The following FGF13 variants were observed in gnomAD, a reference collection of about 807,000 sequenced individuals.
The protein encoded by FGF13 is fibroblast growth factor homologous factor 2.
In FGF13, 2 loss-of-function variants were observed where a neutral mutation model predicts 19.5. The observed-to-expected ratio is 0.10, with a 90% CI of 0.04 to 0.32. The LOEUF is 0.32. Ranked by LOEUF, FGF13 falls within the 10% of genes least tolerant of loss-of-function variation. The pLI is 1.00. For missense variants in FGF13, 113 were observed against 192.7 expected (o/e 0.59, Z 2.45); for synonymous variants, 72 against 76.9 (o/e 0.94, Z 0.33).
At chrX:138,735,095 GA>G (rs993888560) in intron 1 of FGF13, among the ~76,000 whole-genome samples, 1 of 112,210 alleles carries the variant, frequency 8.9e-6, no homozygotes, top group African/African-American at 3.2e-5. Flanking sequence ...GGGACATAAT[GA>G]ATGTGGTATT....
chrX:138,963,109 C>T (rs1358830707), intron 1 of FGF13, among the ~76,000 whole-genome samples: 1 of 112,619 alleles, frequency 8.9e-6, no homozygotes, highest in Non-Finnish European at 1.9e-5. Flanking sequence ...AGGAGACTGT[C>T]CCAAATCACC....
intron 1 of FGF13, among the ~76,000 whole-genome samples, chrX:139,153,177 C>G (rs1403677557): frequency 1.8e-5 from 2 of 110,777 alleles, no homozygotes; most frequent in Non-Finnish European, 3.8e-5. Flanking sequence ...CTTGGTAGGG[C>G]TTTTGGCTGT....
At chrX:139,030,681 C>T (rs1256548742) in intron 1 of FGF13, among the ~76,000 whole-genome samples, 1 of 111,643 alleles carries the variant, frequency 9.0e-6, no homozygotes, top group African/African-American at 3.3e-5. Context: ...AGACATCTCT[C>T]TCCCTCCATG....
At chrX:139,017,262 A>G (rs1420459603) in intron 1 of FGF13, among the ~76,000 whole-genome samples, 1 of 107,954 alleles carries the variant, frequency 9.3e-6, no homozygotes, top group African/African-American at 3.4e-5. Flanking sequence ...GAATAAATCT[A>G]TGTTGTTGGG....
intron 1 of FGF13, among the ~76,000 whole-genome samples, chrX:139,171,507 C>T (rs1270506701): frequency 8.9e-6 from 1 of 111,761 alleles, no homozygotes; most frequent in Non-Finnish European, 1.9e-5. Context: ...CTATAATCTT[C>T]CTTCAACAGA....
At chrX:139,087,586 T>C (rs1044577160) in intron 1 of FGF13, among the ~76,000 whole-genome samples, 11 of 112,191 alleles carry the variant, frequency 9.8e-5, no homozygotes, top group Non-Finnish European at 2.1e-4. Context: ...TTGATGGTTA[T>C]ATTGAGCAAA....
At chrX:138,698,506 T>C (rs1278370798) in intron 3 of FGF13, among the ~76,000 whole-genome samples, 1 of 111,857 alleles carries the variant, frequency 8.9e-6, no homozygotes, top group African/African-American at 3.3e-5. Flanking sequence ...GAACAAATGA[T>C]TAAGTGCATA....
At chrX:138,869,384 G>A (rs1441536438) in intron 1 of FGF13, among the ~76,000 whole-genome samples, 1 of 112,552 alleles carries the variant, frequency 8.9e-6, no homozygotes, top group Non-Finnish European at 1.9e-5. Flanking sequence ...ATGTGGCTGT[G>A]CCACTGATGA....
intron 3 of FGF13, among the ~76,000 whole-genome samples, chrX:138,848,941 C>T (rs764522682): frequency 8.0e-5 from 9 of 111,909 alleles, no homozygotes; most frequent in Non-Finnish European, 1.5e-4. Flanking sequence ...AGTGATTTAC[C>T]TTCTGGCATA....
chrX:138,804,804 T>C (rs2090854369), intron 3 of FGF13, among the ~76,000 whole-genome samples: 1 of 112,233 alleles, frequency 8.9e-6, no homozygotes. Context: ...TGGAAACATA[T>C]GATTATTTGA....
chrX:138,994,984 CAAAAAAA>C (rs5903991), intron 1 of FGF13, among the ~76,000 whole-genome samples: 1 of 85,924 alleles, frequency 1.2e-5, no homozygotes, highest in Non-Finnish European at 2.3e-5. Flanking sequence ...ACTATGTAAC[CAAAAAAA>C]AAAAAAAAAA....
At chrX:138,917,902 G>A (rs1269771001) in intron 1 of FGF13, among the ~76,000 whole-genome samples, 2 of 111,205 alleles carry the variant, frequency 1.8e-5, no homozygotes, top group Non-Finnish European at 3.8e-5. Context: ...GAATTGACTC[G>A]AAAGGAGGTT....
chrX:138,641,610 T>A (rs949272683), intron 3 of FGF13, among the ~76,000 whole-genome samples: 1 of 111,957 alleles, frequency 8.9e-6, no homozygotes. Context: ...CCCATAGGGG[T>A]GACAATGTAA....
At chrX:138,939,167 G>A (rs1397729691) in intron 1 of FGF13, among the ~76,000 whole-genome samples, 3 of 111,920 alleles carry the variant, frequency 2.7e-5, no homozygotes, top group Non-Finnish European at 3.8e-5. Flanking sequence ...TTCACTCTTG[G>A]TTGAGATAGT....
chrX:138,739,083 G>A (rs1167202233), intron 1 of FGF13, among the ~76,000 whole-genome samples: 2 of 110,386 alleles, frequency 1.8e-5, no homozygotes, highest in African/African-American at 3.3e-5. Context: ...CAAACATCCC[G>A]GAGTAAAGGG....
At chrX:138,697,796 G>C in intron 3 of FGF13, among the ~76,000 whole-genome samples, 1 of 111,240 alleles carries the variant, frequency 9.0e-6, no homozygotes. Context: ...TATTAAAGTA[G>C]ACATAGAACG....
At chrX:139,201,107 A>G (rs1428077909) in intron 1 of FGF13, among the ~76,000 whole-genome samples, 1 of 112,088 alleles carries the variant, frequency 8.9e-6, no homozygotes, top group Non-Finnish European at 1.9e-5. Flanking sequence ...TTCAAACAGA[A>G]TCAAGGTCCC....
chrX:138,892,268 C>G (rs1047618835), intron 1 of FGF13, among the ~76,000 whole-genome samples: 28 of 111,396 alleles, frequency 2.5e-4, no homozygotes, highest in African/African-American at 9.2e-4. Flanking sequence ...AGTTACTCAA[C>G]CCCTCTGAAC....
chrX:138,805,846 C>T (rs1363878350), intron 3 of FGF13, among the ~76,000 whole-genome samples: 1 of 110,650 alleles, frequency 9.0e-6, no homozygotes, highest in East Asian at 2.9e-4. Flanking sequence ...TGATTAACTC[C>T]CCCTTTTTTC....
Sources: gnomAD v4.1 joint callset for allele counts (sites outside exome capture counted in the v4.1 genomes callset) on GRCh38, gnomAD v4.1.1 for gene constraint, MANE v1.5 for transcripts, NCBI Gene and HGNC (gene_info 2026-07-23, HGNC 2026-07-21) for gene names.